Variants in PLEKHH1 observed in about 807,000 individuals in gnomAD.
PLEKHH1 encodes pleckstrin homology, MyTH4 and FERM domain containing H1, also known as pleckstrin homology domain-containing family H member 1.
Under a neutral mutation model 160.0 loss-of-function variants are expected in PLEKHH1, and 104 were observed. That is an observed-to-expected ratio of 0.65 (90% CI 0.55 to 0.76). The LOEUF (loss-of-function observed/expected upper bound fraction) is 0.76, where lower values mean the gene tolerates loss of function less well. Among genes scored for constraint, PLEKHH1 ranks in the 30% least tolerant of loss-of-function variants. The pLI is 0.00. For synonymous variants in PLEKHH1, 619 were observed against 678.4 expected (o/e 0.91, Z 1.36); for missense variants, 1,427 against 1,724.1 (o/e 0.83, Z 3.05).
chr14:67,577,384 C>T lies in PLEKHH1; in HGVS notation c.2544C>T (p.Ala848=). The part of the protein sequence containing the change: ...YASLTTLPSE[A]LQTEALKLFK... ...CCCTCACCACCCTGCCCTCTGAGGC[C>T]TTGCAGACGGAGGCCCTCAAGCTCT... The change falls in exon 18 of 29, where the codon GCC becomes GCT. Residue 848 remains alanine (A), a synonymous_variant. Coordinates refer to ENST00000329153, the MANE Select transcript of PLEKHH1 (RefSeq NM_020715.3). The T allele has an allele frequency of 6.3e-7, 1 of 1,589,504 alleles. No individual in the cohort carries two copies.
intron 2 of PLEKHH1, among the ~76,000 whole-genome samples, chr14:67,544,848 A>G (rs558868826): frequency 8.5e-5 from 13 of 152,358 alleles, no homozygotes; most frequent in African/African-American, 2.4e-4. Flanking sequence ...ATACAAATAC[A>G]GCAGTTGAGA....
intron 1 of PLEKHH1, among the ~76,000 whole-genome samples, chr14:67,536,831 T>C (rs1162122174): frequency 6.6e-6 from 1 of 151,700 alleles, no homozygotes; most frequent in Admixed American, 6.6e-5. Context: ...TCACCTGAGG[T>C]CAGGAGTTTG....
At position 67,573,805 on chromosome 14, in the gene PLEKHH1, A is replaced by G; in HGVS notation, c.1844A>G (p.Asp615Gly). The G allele has an allele frequency of 6.2e-7, 1 of 1,608,508 alleles. No homozygotes were observed. ...TCTCCAATACTTTCTTTACAGAGTG[A>G]TGTCATCCGGAAACCTCAAGGCCAA... The part of the protein sequence containing the change: ...GQIMYYKSPS[D>G]VIRKPQGQVD... The change falls in exon 13 of 29, where the codon GAT becomes GGT. Residue 615 changes from aspartate (D) to glycine (G), a missense_variant. By Grantham distance (94) the Asp-to-Gly change is moderately conservative. Coordinates refer to ENST00000329153, the MANE Select transcript of PLEKHH1 (RefSeq NM_020715.3). This position sits in a 1 kb window ranked among gnomAD's most constrained non-coding sequence, Gnocchi z 4.8.
chr14:67,585,271 G>C, intron 26 of PLEKHH1: 1 of 312,964 alleles, frequency 3.2e-6, no homozygotes, highest in Non-Finnish European at 6.0e-6. Flanking sequence ...GTAGCACAGA[G>C]CTTTCCATCC....
intron 28 of PLEKHH1, 31 bp from the exon 29 acceptor site, chr14:67,587,043 C>T (rs1273792422): frequency 1.3e-6 from 2 of 1,552,192 alleles, no homozygotes; most frequent in South Asian, 2.3e-5. Context: ...AAGGCTAGTT[C>T]AATTCCTTCA....
intron 2 of PLEKHH1, among the ~76,000 whole-genome samples, chr14:67,552,966 G>C (rs922461012): frequency 1.3e-5 from 2 of 152,142 alleles, no homozygotes; most frequent in Non-Finnish European, 2.9e-5. Flanking sequence ...GGGAAAAAAT[G>C]CTCGCTGTGT....
chr14:67,562,578 G>C lies in PLEKHH1; in HGVS notation c.947G>C (p.Arg316Pro), dbSNP rs780151592. The change falls in exon 7 of 29, where the codon CGG (arginine) becomes CCG (proline). Residue 316 changes from arginine to proline, a missense_variant. Around this residue, in one of 6 missense-constraint regions of PLEKHH1, gnomAD observed 831 missense variants for 929.2 expected, o/e 0.89. Coordinates refer to ENST00000329153, the MANE Select transcript of PLEKHH1 (RefSeq NM_020715.3). ...PGSSLTLPKV[R>P]APGTPRDSIQ... ...AGCAGTCTGACCCTACCAAAGGTGC[G>C]GGCTCCTGGCACCCCGCGGGACAGC... 2 of 1,612,482 alleles carry C rather than the reference G, an allele frequency of 1.2e-6. No homozygotes were observed. The highest frequency in any genetic ancestry group is 1.7e-6 in the Non-Finnish European group (2 of 1,179,062).
intron 26 of PLEKHH1, among the ~76,000 whole-genome samples, chr14:67,584,471 A>C (rs1310702681): frequency 6.6e-6 from 1 of 152,240 alleles, no homozygotes; most frequent in Non-Finnish European, 1.5e-5. Context: ...CACTGGTTTG[A>C]CATGGCATAC....
rs750921453 is a variant in PLEKHH1 at position 67,583,832 on chromosome 14, A to T, written c.3518A>T (p.Asp1173Val). 27 of 1,613,346 alleles carry T rather than the reference A, an allele frequency of 1.7e-5. No individual in the cohort carries two copies. The East Asian group carries it at 5.6e-4, about 33-fold the overall frequency. ...CAGCATCTTCTCCAGCAGGTCCTAG[A>T]CAGGTTCCACCCCAGGCGCTATAGA... ...KAQHLLQQVL[D>V]RFHPRRYRHG... Residue 1173 changes from aspartate (D) to valine (V), a missense_variant, in exon 25 of 29, where the codon GAC (aspartate) becomes GTC (valine). Asp to Val is a radical substitution (Grantham distance 152, BLOSUM62 -3). Transcript: ENST00000329153.
In PLEKHH1 at chr14:67,576,262, G is replaced by A. The variant is rs925437542; in HGVS notation, c.2353-133G>A. 8.0e-6 allele frequency: 5 copies of A among 625,678 alleles called. No homozygotes were observed. In the Admixed American group the frequency reaches 1.5e-4, roughly 19 times the overall value. 38.8% of individuals were successfully genotyped at this position (625,678 alleles called of 1,614,324 possible). On this transcript the variant is annotated intron_variant, in intron 16 of 28. Transcript: ENST00000329153. This position sits in a 1 kb window ranked among gnomAD's most constrained non-coding sequence, Gnocchi z 4.0. The stretch of plus-strand genomic sequence containing the variant: ...TTCACCTGATCCTCAGTCTTTCCAG[G>A]TAGCCCTGACTCATGCCAACCAAAC...
At chr14:67,534,623 C>T (rs954964406) in intron 1 of PLEKHH1, among the ~76,000 whole-genome samples, 1 of 152,098 alleles carries the variant, frequency 6.6e-6, no homozygotes, top group African/African-American at 2.4e-5. Flanking sequence ...ACCACCTTCC[C>T]ATAGACTGCT....
chr14:67,580,867 C>T, intron 22 of PLEKHH1, 71 bp from the exon 23 acceptor site: 1 of 989,304 alleles, frequency 1.0e-6, no homozygotes, highest in Non-Finnish European at 1.6e-6. Flanking sequence ...CTGAGTCCAG[C>T]CCTGGCTGGA....
At chr14:67,546,104 C>T (rs1182643159) in intron 2 of PLEKHH1, among the ~76,000 whole-genome samples, 1 of 152,092 alleles carries the variant, frequency 6.6e-6, no homozygotes, top group African/African-American at 2.4e-5. Context: ...ATGTTGAAGC[C>T]ACTTATTGCC....
At chr14:67,585,406 T>C (rs1594798137) in intron 26 of PLEKHH1, 162 bp from the exon 27 acceptor site, 1 of 599,306 alleles carries the variant, frequency 1.7e-6, no homozygotes, top group East Asian at 2.9e-5. Flanking sequence ...CCTTGTCTAT[T>C]TCCTGCATAC....
At chr14:67,575,636 T>G in intron 15 of PLEKHH1, 164 bp downstream of exon 15, 2 of 702,174 alleles carry the variant, frequency 2.8e-6, no homozygotes, top group South Asian at 3.4e-5. Flanking sequence ...TGTCTGGGTC[T>G]CTGGTGCTTC....
At chr14:67,556,007 A>C in intron 3 of PLEKHH1, 120 bp downstream of exon 3, 1 of 1,309,426 alleles carries the variant, frequency 7.6e-7, no homozygotes, top group African/African-American at 1.5e-5. Context: ...ATACCTGAAC[A>C]AATGAGTGTG....
intron 7 of PLEKHH1, among the ~76,000 whole-genome samples, chr14:67,565,779 C>G (rs146339867): frequency 7.9e-4 from 120 of 152,236 alleles, no homozygotes; most frequent in African/African-American, 2.6e-3. Context: ...CACCACTGCT[C>G]GGGAGACCTG....
At chr14:67,575,782 C>T (rs893821257) in intron 15 of PLEKHH1, 41 bp from the exon 16 acceptor site, 2 of 1,521,136 alleles carry the variant, frequency 1.3e-6, no homozygotes, top group Non-Finnish European at 1.8e-6. Flanking sequence ...CTCCCTCATC[C>T]CCCACTGGCT....
Position 67,573,150 on chromosome 14 carries a change from G to T in PLEKHH1, c.1729-126G>T, listed in dbSNP as rs1160816622. On this transcript the variant is annotated intron_variant, in intron 11 of 28. Transcript: ENST00000329153. The surrounding 1 kb of genome is among the most constrained non-coding windows in gnomAD (Gnocchi z 4.8). ...GGTACTCTGAAAATACACTGAGTAG[G>T]TACTCAATAATTTTGTATTTAATTG... The T allele has an allele frequency of 6.2e-6, 4 of 643,860 alleles. No homozygotes were observed. The highest frequency in any genetic ancestry group is 1.1e-5 in the Non-Finnish European group (4 of 356,480). 39.9% of individuals were successfully genotyped at this position (643,860 alleles called of 1,614,324 possible).
Sources: allele counts gnomAD v4.1 joint callset (sites outside exome capture counted in the v4.1 genomes callset), GRCh38; gene constraint gnomAD v4.1.1; regional missense constraint gnomAD v4.1.1; non-coding constraint Gnocchi (gnomAD v3.1); transcripts MANE v1.5; gene names NCBI Gene and HGNC (gene_info 2026-07-23, HGNC 2026-07-21).